The following DPP10 variants were observed in gnomAD, a reference collection of about 807,000 sequenced individuals.
DPP10 encodes dipeptidyl peptidase like 10.
Under a neutral mutation model 120.9 loss-of-function variants are expected in DPP10, and 33 were observed. The observed-to-expected ratio is 0.27, with a 90% confidence interval of 0.21 to 0.37. The LOEUF (loss-of-function observed/expected upper bound fraction) is 0.37. Among genes scored for constraint, DPP10 ranks in the 10% least tolerant of loss-of-function variants. The pLI, the probability that DPP10 is intolerant of heterozygous loss-of-function variation, is 1.00. For missense variants in DPP10, 816 were observed against 942.8 expected, an observed-to-expected ratio of 0.87 and a Z score of 1.76; for synonymous variants, 337 against 326.1, an observed-to-expected ratio of 1.03 and a Z score of -0.36.
chr2:114,818,360 A>C (rs972611641), intron 1 of DPP10, among the ~76,000 whole-genome samples: 8 of 152,280 alleles, frequency 5.3e-5, no homozygotes, highest in African/African-American at 1.7e-4. Context: ...CTATATGTTG[A>C]ACTCTTATTA....
rs144435354 is a variant in DPP10, at chr2:114,583,751, A to G, written c.60+140913A>G. ...ACCTGCTATTTTAAATAAATCCAAA[A>G]CAACATATCTGCAAAGCTGAATAAA... On this transcript the variant is annotated intron_variant, in intron 1 of 25. Coordinates refer to ENST00000410059, the MANE Select transcript of DPP10 (RefSeq NM_020868.6). 4.8e-3 allele frequency among the ~76,000 whole-genome samples: 726 copies of G among 152,352 alleles called. 2 individuals are homozygous for G. The highest frequency in any genetic ancestry group is 0.017 in the Middle Eastern group (5 of 294).
chr2:115,004,647 T>A (rs1701683289), intron 1 of DPP10, among the ~76,000 whole-genome samples: 1 of 152,184 alleles, frequency 6.6e-6, no homozygotes, highest in Non-Finnish European at 1.5e-5. Context: ...ACCCTAATAC[T>A]GCACTTTTCC....
At chr2:114,884,550 T>A (rs2106615355) in intron 1 of DPP10, among the ~76,000 whole-genome samples, 1 of 152,252 alleles carries the variant, frequency 6.6e-6, no homozygotes, top group Admixed American at 6.5e-5. Flanking sequence ...GTCTCCCCCT[T>A]CCACGTTTAT....
Position 115,204,838 on chromosome 2 carries a change from G to A in DPP10, c.61-104401G>A, listed in dbSNP as rs139710845. On this transcript the variant is annotated intron_variant, in intron 1 of 25. Transcript: ENST00000410059. ...TCATTTTGGTATTGATTTGCATTTCGCTGATTAGTGATGTTAAGTATTTTT... is the reference window on the plus strand; with the variant it reads ...TCATTTTGGTATTGATTTGCATTTCACTGATTAGTGATGTTAAGTATTTTT... Among the ~76,000 whole-genome samples the A allele has an allele frequency of 7.2e-3, 1,098 of 152,106 alleles. 4 individuals are homozygous for A. Among genetic ancestry groups the A allele is most frequent in the Non-Finnish European group, 0.011 (726 of 67,956 alleles).
intron 1 of DPP10, among the ~76,000 whole-genome samples, chr2:114,657,431 G>A (rs145322373): frequency 6.6e-6 from 1 of 152,202 alleles, no homozygotes; most frequent in African/African-American, 2.4e-5. Context: ...TTAGTCATTA[G>A]TTGGTATTAT....
chr2:115,600,600 G>A (rs1015207880), intron 5 of DPP10, among the ~76,000 whole-genome samples: 6 of 152,272 alleles, frequency 3.9e-5, no homozygotes, highest in African/African-American at 7.2e-5. Flanking sequence ...CCTCTAAAGC[G>A]TAGCTCATTC....
chr2:114,584,501 C>A (rs1045930042), intron 1 of DPP10, among the ~76,000 whole-genome samples: 2 of 150,162 alleles, frequency 1.3e-5, no homozygotes, highest in Non-Finnish European at 3.0e-5. Context: ...CCCATTAACT[C>A]GTCATTTAGC....
At chr2:115,025,836 T>G (rs1240894516) in intron 1 of DPP10, among the ~76,000 whole-genome samples, 1 of 152,074 alleles carries the variant, frequency 6.6e-6, no homozygotes, top group East Asian at 1.9e-4. Context: ...TTGCCCATTT[T>G]TAATAAGATA....
At chr2:115,186,632 C>T (rs1448545107) in intron 1 of DPP10, among the ~76,000 whole-genome samples, 1 of 152,086 alleles carries the variant, frequency 6.6e-6, no homozygotes, top group African/African-American at 2.4e-5. Context: ...AAGCAGCATG[C>T]TCAAATTGTA....
chr2:115,771,584 C>T (rs891658006), intron 13 of DPP10, among the ~76,000 whole-genome samples: 1 of 152,132 alleles, frequency 6.6e-6, no homozygotes, highest in Admixed American at 6.5e-5. Context: ...GCCAAATTGG[C>T]TCTCCAAAAA....
intron 3 of DPP10, among the ~76,000 whole-genome samples, chr2:115,390,486 C>A (rs1449117617): frequency 1.3e-5 from 2 of 152,072 alleles, no homozygotes; most frequent in Non-Finnish European, 2.9e-5. Context: ...ACAATCAGAC[C>A]ATCTTGCTCT....
chr2:115,334,864 A>G (rs1262700607), intron 2 of DPP10, among the ~76,000 whole-genome samples: 5 of 152,012 alleles, frequency 3.3e-5, no homozygotes, highest in African/African-American at 9.7e-5. Flanking sequence ...TATGTAAAAC[A>G]CAAAACAAAA....
At chr2:115,193,486 A>T (rs576590355) in intron 1 of DPP10, among the ~76,000 whole-genome samples, 24 of 152,340 alleles carry the variant, frequency 1.6e-4, no homozygotes, top group African/African-American at 5.5e-4. Context: ...AATTAAAGAA[A>T]GGCTTTTCTG....
chr2:114,887,741 G>T (rs1692188339), intron 1 of DPP10, among the ~76,000 whole-genome samples: 1 of 152,190 alleles, frequency 6.6e-6, no homozygotes, highest in African/African-American at 2.4e-5. Context: ...CAGAGGTGTT[G>T]GTGTTAGTGA....
At chr2:115,173,722 T>C (rs2053520575) in intron 1 of DPP10, among the ~76,000 whole-genome samples, 1 of 152,190 alleles carries the variant, frequency 6.6e-6, no homozygotes, top group African/African-American at 2.4e-5. Context: ...GGCTCATAGT[T>C]CTGACTCTGA....
chr2:115,175,601 T>G (rs1484133577), intron 1 of DPP10, among the ~76,000 whole-genome samples: 1 of 152,202 alleles, frequency 6.6e-6, no homozygotes, highest in African/African-American at 2.4e-5. Context: ...TTTAAAAAAC[T>G]TATTGAATAA....
intron 1 of DPP10, among the ~76,000 whole-genome samples, chr2:115,226,029 C>G (rs975584992): frequency 2.6e-5 from 4 of 152,034 alleles, no homozygotes; most frequent in Admixed American, 6.6e-5. Context: ...GTAATGTTAG[C>G]TGTTATCAGA....
At chr2:115,123,572 C>A (rs1376676971) in intron 1 of DPP10, among the ~76,000 whole-genome samples, 1 of 152,190 alleles carries the variant, frequency 6.6e-6, no homozygotes, top group South Asian at 2.1e-4. Context: ...TGAGCCCGGT[C>A]ATCCAAATCC....
rs70941010 is a variant in DPP10, at chr2:114,831,022, A to ATTTTTTTT, written c.60+388213_60+388220dup. On this transcript the variant is annotated intron_variant, in intron 1 of 25. Coordinates refer to ENST00000410059, the MANE Select transcript of DPP10 (RefSeq NM_020868.6). Reference sequence around the variant, plus strand: ...GGAATATTTAAACATCCATGCAAAGATTTTTTTTTTTTTTTTTTTTTTTTT... The same window carrying ATTTTTTTT: ...GGAATATTTAAACATCCATGCAAAGATTTTTTTTTTTTTTTTTTTTTTTTTTTTTTTTT... Among the ~76,000 whole-genome samples the ATTTTTTTT allele has an allele frequency of 2.2e-4, 10 of 45,972 alleles. 1 individual carries two copies. The highest frequency in any genetic ancestry group is 8.6e-4 in the African/African-American group (10 of 11,612). 30.2% of individuals were successfully genotyped at this position (45,972 alleles called of 152,430 possible). A position where few individuals can be genotyped will look rare whatever the true frequency, so the allele number is the denominator to read the frequency against.
Sources: allele counts gnomAD v4.1 joint callset (sites outside exome capture counted in the v4.1 genomes callset), GRCh38; gene constraint gnomAD v4.1.1; transcripts MANE v1.5; gene names NCBI Gene and HGNC (gene_info 2026-07-23, HGNC 2026-07-21).